Variants in PRIM2 observed in about 807,000 individuals in gnomAD.
PRIM2 encodes DNA primase large subunit.
A neutral mutation model predicts 67.3 loss-of-function variants in PRIM2; 39 were observed. The ratio of observed to expected loss-of-function variants is 0.58; its 90% CI spans 0.45 to 0.76. The LOEUF is 0.76. Among genes scored for constraint, PRIM2 ranks in the 30% least tolerant of loss-of-function variants. PRIM2 has a pLI of 0.00. For missense variants in PRIM2, 398 were observed against 598.7 expected (o/e 0.66, Z 3.50); for synonymous variants, 143 against 198.7 (o/e 0.72, Z 2.36).
intron 5 of PRIM2, among the ~76,000 whole-genome samples, chr6:57,333,919 TTAA>T (rs1768137939): frequency 6.6e-6 from 1 of 152,230 alleles, no homozygotes; most frequent in African/African-American, 2.4e-5. Context: ...GTGAAAATAC[TTAA>T]TATCCACTCA....
At chr6:57,637,987 G>C (rs1204139896) in intron 13 of PRIM2, among the ~76,000 whole-genome samples, 2 of 152,092 alleles carry the variant, frequency 1.3e-5, no homozygotes, top group Non-Finnish European at 2.9e-5. Context: ...AAAATGTTAA[G>C]GGCAGCCAGA....
At chr6:57,597,002 CGCTTATTT>C (rs1776378643) in intron 10 of PRIM2, among the ~76,000 whole-genome samples, 2 of 151,410 alleles carry the variant, frequency 1.3e-5, no homozygotes, top group African/African-American at 4.8e-5. Context: ...AAACAGCTAC[CGCTTATTT>C]GCTCTTTCAT....
chr6:57,551,574 A>T (rs1181511444), intron 10 of PRIM2, among the ~76,000 whole-genome samples: 2 of 152,076 alleles, frequency 1.3e-5, no homozygotes, highest in Non-Finnish European at 2.9e-5. Flanking sequence ...CTGTTTAAAG[A>T]GTGTATTTTG....
At chr6:57,541,659 TC>T (rs1239612996) in intron 10 of PRIM2, among the ~76,000 whole-genome samples, 29 of 152,216 alleles carry the variant, frequency 1.9e-4, no homozygotes, top group African/African-American at 7.0e-4. Context: ...TAGTTCCAGC[TC>T]AAATGCCAAC....
chr6:57,537,418 C>A, intron 9 of PRIM2, 22 bp from the exon 10 acceptor site: 2 of 1,259,276 alleles, frequency 1.6e-6, no homozygotes, highest in Non-Finnish European at 1.1e-6. Flanking sequence ...TAACTTAAAA[C>A]TCTACTATTT....
chr6:57,381,731 T>A (rs374052911), intron 6 of PRIM2, among the ~76,000 whole-genome samples: 2,362 of 152,214 alleles, frequency 0.016, 64 homozygotes, highest in African/African-American at 0.053. Context: ...GAGTTAAGAG[T>A]TTGAAATCCT....
chr6:57,353,908 G>A (rs1334461264), intron 5 of PRIM2, among the ~76,000 whole-genome samples: 7 of 152,132 alleles, frequency 4.6e-5, no homozygotes, highest in African/African-American at 7.2e-5. Flanking sequence ...GGGGTGCTTC[G>A]GGTGGGTTAA....
intron 5 of PRIM2, among the ~76,000 whole-genome samples, chr6:57,339,587 G>T (rs1019085212): frequency 6.6e-6 from 1 of 152,046 alleles, no homozygotes; most frequent in Non-Finnish European, 1.5e-5. Context: ...AAAAACCTGA[G>T]AAAAACAAGC....
rs1308686631 is a variant in PRIM2, at chr6:57,619,062, G to A, written c.1230+12605G>A. On this transcript the variant is annotated intron_variant, in intron 12 of 13. Transcript: ENST00000615550. ...TCCAATGGAACAGGCGCTGGTATCC[G>A]TGGTTGAGAGACCCATAGACGGTTC... is the stretch of plus-strand genomic sequence containing the variant. Among the ~76,000 whole-genome samples, 153 of 152,322 alleles carry A rather than the reference G, an allele frequency of 1.0e-3. 2 individuals are homozygous for A. The highest frequency in any genetic ancestry group is 3.5e-3 in the African/African-American group (145 of 41,570).
intron 5 of PRIM2, among the ~76,000 whole-genome samples, chr6:57,377,680 C>T (rs1769813827): frequency 6.6e-6 from 1 of 151,952 alleles, no homozygotes. Flanking sequence ...CTTCCTGACT[C>T]CATTGAGTTT....
chr6:57,628,907 T>G (rs1410937114), intron 12 of PRIM2, among the ~76,000 whole-genome samples: 1 of 152,196 alleles, frequency 6.6e-6, no homozygotes, highest in Non-Finnish European at 1.5e-5. Context: ...GCAGTGTACC[T>G]TAGGCATCTG....
chr6:57,504,581 A>G (rs1430894120), intron 7 of PRIM2, among the ~76,000 whole-genome samples: 5 of 151,762 alleles, frequency 3.3e-5, no homozygotes, highest in Non-Finnish European at 5.9e-5. Context: ...GATGGTTCCC[A>G]TGAAATAGCC....
Position 57,334,269 on chromosome 6 carries a change from C to T in PRIM2, c.459+8224C>T, listed in dbSNP as rs537746063. 1.4e-3 allele frequency among the ~76,000 whole-genome samples: 213 copies of T among 151,722 alleles called. 4 individuals carry two copies. In the South Asian group the frequency reaches 0.038, roughly 27 times the overall value. ...TTTTTTTTATGACTCAATATTATTC[C>T]GTTATGTATATATATTGCATTTAAA... On this transcript the variant is annotated intron_variant, in intron 5 of 13. Transcript: ENST00000615550.
At chr6:57,599,437 C>G (rs1776423347) in intron 10 of PRIM2, among the ~76,000 whole-genome samples, 1 of 151,610 alleles carries the variant, frequency 6.6e-6, no homozygotes, top group African/African-American at 2.4e-5. Context: ...TTTTAAATGA[C>G]ACTTCATTTT....
the PRIM2 span, among the ~76,000 whole-genome samples, chr6:57,268,570 C>A: frequency 6.6e-6 from 1 of 152,014 alleles, no homozygotes; most frequent in Non-Finnish European, 1.5e-5. Flanking sequence ...GGTTCTGAGG[C>A]ATTACAAGGA....
rs545620931 is a variant in PRIM2 at position 57,443,505 on chromosome 6, A to G, written c.693+61337A>G. ...TTTTCATTTTCCTAATAATTAGTGA[A>G]GTTGAACATTTTTTAAAAAATGTGT... On this transcript the variant is annotated intron_variant, in intron 7 of 13. Coordinates refer to ENST00000615550, the MANE Select transcript of PRIM2 (RefSeq NM_000947.5). 8.5e-4 allele frequency among the ~76,000 whole-genome samples: 129 copies of G among 152,310 alleles called. 1 individual carries two copies. The highest frequency in any genetic ancestry group is 3.0e-3 in the African/African-American group (126 of 41,584).
chr6:57,296,428 GA>G, the PRIM2 span, among the ~76,000 whole-genome samples: 83,704 of 151,722 alleles, frequency 0.55, 24,768 homozygotes, highest in East Asian at 0.78. Context: ...CACTGTTGGA[GA>G]AAAAAAGTCA....
chr6:57,466,181 A>G (rs1581935615), intron 7 of PRIM2, among the ~76,000 whole-genome samples: 1 of 152,126 alleles, frequency 6.6e-6, no homozygotes, highest in African/African-American at 2.4e-5. Flanking sequence ...ATACTATTCC[A>G]TGGTGTATAT....
chr6:57,375,051 T>C (rs1449863609), intron 5 of PRIM2, among the ~76,000 whole-genome samples: 3 of 152,262 alleles, frequency 2.0e-5, no homozygotes, highest in African/African-American at 4.8e-5. Flanking sequence ...ATTTGAATAC[T>C]CTTTATTTTT....
Sources: gnomAD v4.1 joint callset for allele counts (sites outside exome capture counted in the v4.1 genomes callset) on GRCh38, gnomAD v4.1.1 for gene constraint, MANE v1.5 for transcripts, NCBI Gene and HGNC (gene_info 2026-07-23, HGNC 2026-07-21) for gene names.